Variants in OPCML observed in about 807,000 individuals in gnomAD.
OPCML encodes opioid binding protein/cell adhesion molecule like, also known as opioid-binding protein/cell adhesion molecule.
A neutral mutation model predicts 37.8 loss-of-function variants in OPCML; 13 were observed. The ratio of observed to expected loss-of-function variants is 0.34; its 90% CI spans 0.22 to 0.55. OPCML has a LOEUF of 0.55. OPCML is among the 20% of genes least tolerant of loss of function. OPCML has a pLI of 0.91. For synonymous variants in OPCML, 176 were observed against 168.8 expected, an observed-to-expected ratio of 1.04 and a Z score of -0.33; for missense variants, 341 against 435.6, an observed-to-expected ratio of 0.78 and a Z score of 1.93.
intron 2 of OPCML, among the ~76,000 whole-genome samples, chr11:132,848,481 C>T (rs182498942): frequency 5.9e-4 from 90 of 152,272 alleles, no homozygotes; most frequent in Admixed American, 1.4e-3. Flanking sequence ...GAATATTTGG[C>T]ATTTCTCTCA....
At chr11:133,008,058 G>T in intron 1 of OPCML, 2 of 985,424 alleles carry the variant, frequency 2.0e-6, no homozygotes, top group African/African-American at 3.5e-5. Flanking sequence ...TTGCTGTACG[G>T]CTACTTGCAT....
chr11:132,954,476 T>G (rs4542422), intron 1 of OPCML, among the ~76,000 whole-genome samples: 77,085 of 151,902 alleles, frequency 0.51, 19,788 homozygotes, highest in East Asian at 0.72. Context: ...GGACTGGGTA[T>G]GACTGACTGC....
At chr11:133,000,199 G>A (rs879334319) in intron 1 of OPCML, among the ~76,000 whole-genome samples, 13 of 152,086 alleles carry the variant, frequency 8.5e-5, no homozygotes, top group East Asian at 1.9e-4. Context: ...TACAACTTCC[G>A]CCTCCCAGGT....
intron 1 of OPCML, among the ~76,000 whole-genome samples, chr11:132,982,319 C>T (rs79460946): frequency 5.3e-4 from 78 of 146,732 alleles, no homozygotes; most frequent in African/African-American, 2.0e-3. Flanking sequence ...CCTTTGAACA[C>T]CTCTACCTTT....
intron 1 of OPCML, among the ~76,000 whole-genome samples, chr11:133,136,228 G>C (rs1949687742): frequency 6.6e-6 from 1 of 152,180 alleles, no homozygotes; most frequent in Non-Finnish European, 1.5e-5. Flanking sequence ...AGATAGAGGA[G>C]TAAGAGTTTG....
intron 2 of OPCML, among the ~76,000 whole-genome samples, chr11:132,712,321 C>T (rs1944299640): frequency 6.6e-6 from 1 of 151,912 alleles, no homozygotes. Flanking sequence ...CATCCTCCTC[C>T]CCCACAAGTG....
chr11:133,464,746 G>A (rs138750805), intron 1 of OPCML, among the ~76,000 whole-genome samples: 126 of 152,292 alleles, frequency 8.3e-4, no homozygotes, highest in African/African-American at 2.8e-3. Flanking sequence ...CTGTTAGCAC[G>A]CTTTCAGAAA....
intron 2 of OPCML, among the ~76,000 whole-genome samples, chr11:132,671,022 A>T (rs1012620890): frequency 9.2e-5 from 14 of 152,326 alleles, no homozygotes; most frequent in Middle Eastern, 3.4e-3. Context: ...TTAATGGCCA[A>T]CTAGTAGGCC....
At chr11:133,325,234 C>T (rs1379997919) in intron 1 of OPCML, among the ~76,000 whole-genome samples, 2 of 152,166 alleles carry the variant, frequency 1.3e-5, no homozygotes, top group African/African-American at 2.4e-5. Flanking sequence ...ATAGCGAATG[C>T]GAGAAGTTCT....
At chr11:132,761,434 C>CA (rs1946263196) in intron 2 of OPCML, among the ~76,000 whole-genome samples, 1 of 152,088 alleles carries the variant, frequency 6.6e-6, no homozygotes, top group Non-Finnish European at 1.5e-5. Context: ...CCGTCAGTTT[C>CA]ATATACACCT....
chr11:132,569,081 G>A (rs1211854202), intron 3 of OPCML, among the ~76,000 whole-genome samples: 1 of 152,212 alleles, frequency 6.6e-6, no homozygotes, highest in Non-Finnish European at 1.5e-5. Flanking sequence ...TTCGGCACTC[G>A]CCTGCGGTCG....
At position 132,753,657 on chromosome 11, in the gene OPCML, G is replaced by T. The variant is rs118180200; in HGVS notation, c.147-96338C>A. The stretch of plus-strand genomic sequence containing the variant: ...GTCAATCTGCATAGTGCAGTGATGG[G>T]TATACATAGGAACTGTGGGTCTCAG... On this transcript the variant is annotated intron_variant, in intron 2 of 7. Transcript: ENST00000524381. 6.5e-4 allele frequency among the ~76,000 whole-genome samples: 99 copies of T among 152,314 alleles called. 1 individual carries two copies. In the East Asian group the frequency reaches 0.018, roughly 28 times the overall value.
chr11:133,468,983 T>C (rs1461929468), intron 1 of OPCML, among the ~76,000 whole-genome samples: 2 of 152,182 alleles, frequency 1.3e-5, no homozygotes, highest in Non-Finnish European at 2.9e-5. Context: ...ACCCGGGAAC[T>C]GAAGGCTGTG....
intron 4 of OPCML, among the ~76,000 whole-genome samples, chr11:132,527,812 C>T (rs1285065604): frequency 6.6e-6 from 1 of 152,074 alleles, no homozygotes; most frequent in Non-Finnish European, 1.5e-5. Context: ...CAAGTTAAAA[C>T]GAAGTTACTC....
At chr11:133,361,679 C>A (rs116135535) in intron 1 of OPCML, 16,721 of 154,748 alleles carry the variant, frequency 0.11, 1,232 homozygotes, top group African/African-American at 0.18. Flanking sequence ...TCCGGGGCAC[C>A]GCCATTTCCC....
intron 1 of OPCML, among the ~76,000 whole-genome samples, chr11:132,955,180 C>T (rs747944918): frequency 9.2e-5 from 14 of 151,990 alleles, no homozygotes; most frequent in Non-Finnish European, 1.6e-4. Context: ...GAGGTTGGCA[C>T]GGTTTTGTCT....
chr11:132,622,838 G>A (rs1321007399), intron 3 of OPCML, among the ~76,000 whole-genome samples: 1 of 152,180 alleles, frequency 6.6e-6, no homozygotes, highest in Non-Finnish European at 1.5e-5. Flanking sequence ...TATTGGGGAA[G>A]CATCTCCATG....
intron 4 of OPCML, among the ~76,000 whole-genome samples, chr11:132,489,688 T>C (rs2096209996): frequency 6.6e-6 from 1 of 152,090 alleles, no homozygotes; most frequent in Non-Finnish European, 1.5e-5. Flanking sequence ...ATTATTTTAT[T>C]ATACTTTAAG....
chr11:133,471,865 G>A (rs191697996), intron 1 of OPCML, among the ~76,000 whole-genome samples: 53 of 152,296 alleles, frequency 3.5e-4, no homozygotes, highest in Admixed American at 1.3e-3. Flanking sequence ...GTTTAAGGGT[G>A]TGGAAATGGT....
Sources: gnomAD v4.1 joint callset for allele counts (sites outside exome capture counted in the v4.1 genomes callset) on GRCh38, gnomAD v4.1.1 for gene constraint, MANE v1.5 for transcripts, NCBI Gene and HGNC (gene_info 2026-07-23, HGNC 2026-07-21) for gene names.